UNC13C: variants seen among roughly 807,000 people sequenced by gnomAD.
UNC13C encodes protein unc-13 homolog C.
UNC13C carries 174 observed loss-of-function variants against 245.4 expected under a neutral mutation model. That is an observed-to-expected ratio of 0.71 (90% CI 0.63 to 0.80). The LOEUF is 0.80. Among genes scored for constraint, UNC13C ranks in the 30% least tolerant of loss-of-function variants. UNC13C has a pLI of 0.00. For missense variants in UNC13C, 2,829 were observed against 2,602.9 expected, an observed-to-expected ratio of 1.09 and a Z score of -1.89; for synonymous variants, 992 against 895.1, an observed-to-expected ratio of 1.11 and a Z score of -1.93.
the UNC13C span, among the ~76,000 whole-genome samples, chr15:53,897,631 A>G: frequency 2.0e-5 from 3 of 152,324 alleles, no homozygotes; most frequent in Non-Finnish European, 2.9e-5. Flanking sequence ...TTGATCCACA[A>G]GGTCATCACA....
intron 2 of UNC13C, among the ~76,000 whole-genome samples, chr15:54,038,956 G>A (rs1377931051): frequency 6.6e-6 from 1 of 152,150 alleles, no homozygotes; most frequent in African/African-American, 2.4e-5. Flanking sequence ...AAGAATGGTT[G>A]TACTATCTTG....
At chr15:54,055,774 T>C (rs1290962522) in intron 2 of UNC13C, among the ~76,000 whole-genome samples, 1 of 152,142 alleles carries the variant, frequency 6.6e-6, no homozygotes, top group Admixed American at 6.6e-5. Flanking sequence ...CATAACAGGA[T>C]GGGATGGAAT....
chr15:53,978,202 G>A (rs1007337455), upstream of UNC13C, among the ~76,000 whole-genome samples: 6 of 152,240 alleles, frequency 3.9e-5, no homozygotes, highest in African/African-American at 1.4e-4. Context: ...AGCGATAAAG[G>A]GAAGATAGGC....
chr15:54,413,805 A>G (rs963201541), intron 18 of UNC13C, among the ~76,000 whole-genome samples: 2 of 152,156 alleles, frequency 1.3e-5, no homozygotes, highest in Admixed American at 6.5e-5. Flanking sequence ...ATACAGGATT[A>G]TACTCTTTTT....
intron 7 of UNC13C, among the ~76,000 whole-genome samples, chr15:54,242,913 T>C (rs2035892278): frequency 6.6e-6 from 1 of 152,238 alleles, no homozygotes; most frequent in Non-Finnish European, 1.5e-5. Flanking sequence ...GGGATCTATT[T>C]ATAGGAATGG....
intron 19 of UNC13C, among the ~76,000 whole-genome samples, chr15:54,441,279 T>C (rs1890513127): frequency 6.6e-6 from 1 of 152,118 alleles, no homozygotes; most frequent in Admixed American, 6.6e-5. Context: ...AGTTCTCTTC[T>C]AGCAGTTTTA....
At chr15:54,047,403 G>A (rs1177721195) in intron 2 of UNC13C, among the ~76,000 whole-genome samples, 2 of 151,818 alleles carry the variant, frequency 1.3e-5, no homozygotes, top group East Asian at 3.9e-4. Flanking sequence ...TTAATCAATA[G>A]CCAACCCCTA....
intron 29 of UNC13C, among the ~76,000 whole-genome samples, chr15:54,563,978 C>T (rs1897400705): frequency 6.6e-6 from 1 of 151,962 alleles, no homozygotes; most frequent in Admixed American, 6.6e-5. Context: ...GCTGTCATTC[C>T]AGGTTTTGAA....
At chr15:54,227,665 A>C (rs1189106325) in intron 4 of UNC13C, among the ~76,000 whole-genome samples, 1 of 152,166 alleles carries the variant, frequency 6.6e-6, no homozygotes, top group African/African-American at 2.4e-5. Context: ...AGGGAGTGAG[A>C]TCAGGCACTT....
At chr15:54,429,444 C>A (rs1486850585) in intron 19 of UNC13C, among the ~76,000 whole-genome samples, 1 of 151,618 alleles carries the variant, frequency 6.6e-6, no homozygotes, top group Non-Finnish European at 1.5e-5. Flanking sequence ...TCTCAAATCA[C>A]AACAGTTATT....
chr15:54,428,557 T>C (rs1189176280), intron 19 of UNC13C, among the ~76,000 whole-genome samples: 4 of 151,582 alleles, frequency 2.6e-5, no homozygotes, highest in Non-Finnish European at 5.9e-5. Flanking sequence ...CTGATATACT[T>C]GTTTATTGCC....
chr15:53,965,934 T>A, the UNC13C span, among the ~76,000 whole-genome samples: 2 of 152,174 alleles, frequency 1.3e-5, no homozygotes, highest in African/African-American at 4.8e-5. Flanking sequence ...CCATGGTGTA[T>A]ATGTGCCACA....
intron 17 of UNC13C, among the ~76,000 whole-genome samples, chr15:54,365,498 C>T (rs948472288): frequency 3.3e-5 from 5 of 152,038 alleles, no homozygotes; most frequent in African/African-American, 9.7e-5. Context: ...ACCATCAAGG[C>T]CATAAACATA....
intron 11 of UNC13C, among the ~76,000 whole-genome samples, chr15:54,296,383 AT>A (rs1216570900): frequency 0.043 from 3,522 of 81,248 alleles, 77 homozygotes; most frequent in Non-Finnish European, 0.051. Flanking sequence ...TTTTTTTTTT[AT>A]TTTTTTTTAT....
At chr15:54,062,399 A>G (rs1190980562) in intron 2 of UNC13C, among the ~76,000 whole-genome samples, 1 of 151,382 alleles carries the variant, frequency 6.6e-6, no homozygotes, top group Non-Finnish European at 1.5e-5. Flanking sequence ...CCTATAGAGG[A>G]TGATCCCAGC....
chr15:54,098,321 A>T (rs1205261240), intron 2 of UNC13C, among the ~76,000 whole-genome samples: 2 of 152,164 alleles, frequency 1.3e-5, no homozygotes, highest in African/African-American at 4.8e-5. Context: ...ATTACAGGCA[A>T]GTGCCACCAC....
At position 54,225,247 on chromosome 15, in the gene UNC13C, G is replaced by A. The variant is rs529835955; in HGVS notation, c.3072-9783G>A. Among the ~76,000 whole-genome samples the A allele has an allele frequency of 4.3e-4, 65 of 151,806 alleles. 2 individuals are homozygous for A. In the South Asian group the frequency reaches 0.013, roughly 31 times the overall value. ...ATAGTTGGAAGCTGGTTAGCATGAT[G>A]CCTCCAGCTTTGTTCTTTTCGCTTA... On this transcript the variant is annotated intron_variant, in intron 4 of 32. Transcript: ENST00000260323.
At chr15:53,898,931 C>G in the UNC13C span, among the ~76,000 whole-genome samples, 3 of 152,036 alleles carry the variant, frequency 2.0e-5, no homozygotes, top group African/African-American at 7.2e-5. Context: ...CCACTTTGAC[C>G]AACACTTCTC....
intron 2 of UNC13C, among the ~76,000 whole-genome samples, chr15:54,062,233 C>T (rs570865732): frequency 4.0e-5 from 6 of 151,552 alleles, no homozygotes; most frequent in South Asian, 4.2e-4. Context: ...GCAGGAGAAT[C>T]GCTTGAACTT....
Sources: allele counts gnomAD v4.1 joint callset (sites outside exome capture counted in the v4.1 genomes callset), GRCh38; gene constraint gnomAD v4.1.1; transcripts MANE v1.5; gene names NCBI Gene and HGNC (gene_info 2026-07-23, HGNC 2026-07-21).